AP4S1: variants seen among roughly 807,000 people sequenced by gnomAD.
AP4S1 encodes the protein AP-4 complex subunit sigma-1.
AP4S1 carries 23 observed loss-of-function variants against 19.8 expected under a neutral mutation model. That is an observed-to-expected ratio of 1.16 (90% CI 0.84 to 1.65). AP4S1 has a LOEUF of 1.65. Among genes scored for constraint, AP4S1 ranks in the 40% most tolerant of loss-of-function variants. The probability of loss-of-function intolerance (pLI) is 0.00; values close to 1 mark genes in which losing one functional copy is unlikely to be tolerated. For synonymous variants in AP4S1, 46 were observed against 54.1 expected (o/e 0.85, Z 0.66); for missense variants, 166 against 172.8 (o/e 0.96, Z 0.22).
chr14:31,049,413 C>CAAA (rs1206930739), intron 1 of AP4S1, among the ~76,000 whole-genome samples: 19 of 43,524 alleles, frequency 4.4e-4, no homozygotes, highest in African/African-American at 1.1e-3. Context: ...GACTCGGTCT[C>CAAA]AAAAAAAAAA....
intron 5 of AP4S1, among the ~76,000 whole-genome samples, chr14:31,087,584 A>G (rs1336226648): frequency 6.6e-6 from 1 of 152,104 alleles, no homozygotes; most frequent in African/African-American, 2.4e-5. Context: ...TGATCCCCTG[A>G]CCTCAAGTGA....
At chr14:31,049,824 A>T (rs1218653167) in intron 1 of AP4S1, among the ~76,000 whole-genome samples, 1 of 151,018 alleles carries the variant, frequency 6.6e-6, no homozygotes, top group Non-Finnish European at 1.5e-5. Context: ...CTGATCTCGA[A>T]CTCCTGGGCT....
chr14:31,078,844 G>C (rs1416903972), intron 4 of AP4S1, among the ~76,000 whole-genome samples: 2 of 152,152 alleles, frequency 1.3e-5, no homozygotes, highest in East Asian at 3.8e-4. Flanking sequence ...GCAAAAAGAA[G>C]AAGAGGAAGA....
intron 2 of AP4S1, among the ~76,000 whole-genome samples, chr14:31,067,312 G>T (rs564420759): frequency 6.7e-6 from 1 of 150,322 alleles, no homozygotes; most frequent in African/African-American, 2.4e-5. Flanking sequence ...TAGGGTACAT[G>T]TGGACAACAT....
At chr14:31,075,988 G>A (rs774612700) in intron 4 of AP4S1, among the ~76,000 whole-genome samples, 6 of 152,042 alleles carry the variant, frequency 3.9e-5, no homozygotes, top group African/African-American at 7.2e-5. Flanking sequence ...CGCCTGCCTC[G>A]GCCTCCCAAA....
intron 1 of AP4S1, among the ~76,000 whole-genome samples, chr14:31,056,815 G>A (rs530256506): frequency 2.6e-5 from 4 of 152,234 alleles, no homozygotes; most frequent in South Asian, 2.1e-4. Flanking sequence ...ACAATGTCAC[G>A]TCTATAATCC....
intron 1 of AP4S1, among the ~76,000 whole-genome samples, chr14:31,059,739 A>G (rs1886317348): frequency 6.6e-6 from 1 of 151,986 alleles, no homozygotes; most frequent in Admixed American, 6.6e-5. Context: ...AAGGGAGTGA[A>G]TGGCCACAGG....
intron 1 of AP4S1, among the ~76,000 whole-genome samples, chr14:31,035,344 G>A (rs945872992): frequency 1.3e-5 from 2 of 150,792 alleles, no homozygotes; most frequent in East Asian, 2.0e-4. Context: ...ACAAGCACAC[G>A]CCGCCACACC....
Position 31,081,976 on chromosome 14 carries a change from C to T in AP4S1, c.306+1392C>T, listed in dbSNP as rs192619142. Among the ~76,000 whole-genome samples the T allele has an allele frequency of 3.9e-4, 60 of 152,122 alleles. No individual in the cohort carries two copies. In the East Asian group the frequency reaches 9.1e-3, roughly 23 times the overall value. On this transcript the variant is annotated intron_variant, in intron 5 of 5. Transcript: ENST00000542754. ...CCTCCCAAAGTGCTGGGATTACAGG[C>T]GTGAGCCACCACGTCCGGCCTAATT...
chr14:31,080,786 T>C (rs1296939439), intron 5 of AP4S1: 2 of 732,448 alleles, frequency 2.7e-6, no homozygotes, highest in African/African-American at 3.5e-5. Flanking sequence ...GGCGATTCTT[T>C]TTTTTTCTTT....
intron 1 of AP4S1, among the ~76,000 whole-genome samples, chr14:31,027,657 G>A (rs1884103228): frequency 6.6e-6 from 1 of 152,134 alleles, no homozygotes; most frequent in Non-Finnish European, 1.5e-5. Flanking sequence ...GCGAGACTCC[G>A]TGTCGGCAAA....
At chr14:31,089,822 G>A (rs1432943137) in intron 5 of AP4S1, among the ~76,000 whole-genome samples, 5 of 152,110 alleles carry the variant, frequency 3.3e-5, no homozygotes, top group African/African-American at 1.2e-4. Context: ...AGGAGGCTGA[G>A]GCACAAGAGT....
At chr14:31,088,158 C>G (rs150461187) in intron 5 of AP4S1, among the ~76,000 whole-genome samples, 200 of 152,202 alleles carry the variant, frequency 1.3e-3, no homozygotes, top group Non-Finnish European at 2.2e-3. Context: ...TCTGACAGTT[C>G]TGCCTCCAGG....
At chr14:31,064,759 A>G (rs1886624363) in intron 1 of AP4S1, among the ~76,000 whole-genome samples, 1 of 152,228 alleles carries the variant, frequency 6.6e-6, no homozygotes, top group African/African-American at 2.4e-5. Context: ...GTGTTCAAGA[A>G]CGGCTGGCAA....
chr14:31,073,200 A>G, intron 4 of AP4S1: 1 of 488,854 alleles, frequency 2.0e-6, no homozygotes, highest in South Asian at 2.1e-5. Flanking sequence ...AAAAAAAAAA[A>G]CCTCTTATAG....
Position 31,025,655 on chromosome 14 carries a change from A to G in AP4S1, c.-204A>G. ...GAGCCCCCGCAGACGCCATACTAAA[A>G]GCCAAAATGGCTGCCCCGAGGAGGC... On this transcript the variant is annotated 5_prime_UTR_variant, in exon 1 of 6. Coordinates refer to ENST00000542754, the MANE Select transcript of AP4S1 (RefSeq NM_001128126.3). The G allele has an allele frequency of 1.7e-6, 1 of 581,170 alleles. No individual in the cohort carries two copies. The highest frequency in any genetic ancestry group is 2.1e-5 in the South Asian group (1 of 47,444). The allele number at this position is 581,170 out of a possible 1,614,324, so 36.0% of individuals were successfully genotyped here. A position where few individuals can be genotyped will look rare whatever the true frequency, so the allele number is the denominator to read the frequency against.
At chr14:31,080,626 G>T (rs74807133) in intron 5 of AP4S1, 42 bp downstream of exon 5, 2 of 1,613,324 alleles carry the variant, frequency 1.2e-6, no homozygotes, top group Non-Finnish European at 1.7e-6. Flanking sequence ...CTTGGCAAAT[G>T]CACTCTGGTC....
intron 1 of AP4S1, among the ~76,000 whole-genome samples, chr14:31,043,611 C>T (rs1885234609): frequency 6.6e-6 from 1 of 152,094 alleles, no homozygotes; most frequent in East Asian, 1.9e-4. Context: ...CACAATAACT[C>T]GGCAACAGAG....
chr14:31,033,223 T>A (rs953693604), intron 1 of AP4S1, among the ~76,000 whole-genome samples: 1 of 152,036 alleles, frequency 6.6e-6, no homozygotes, highest in East Asian at 1.9e-4. Flanking sequence ...GTGTTTAATT[T>A]TTTTTTTTGA....
Sources: gnomAD v4.1 joint callset for allele counts (sites outside exome capture counted in the v4.1 genomes callset) on GRCh38, gnomAD v4.1.1 for gene constraint, MANE v1.5 for transcripts, NCBI Gene and HGNC (gene_info 2026-07-23, HGNC 2026-07-21) for gene names.